H2BC18: variants seen among roughly 807,000 people sequenced by gnomAD.
H2BC18 encodes histone H2B type 2-F.
A neutral mutation model predicts 6.3 loss-of-function variants in H2BC18; 8 were observed. The ratio of observed to expected loss-of-function variants is 1.28; its 90% CI spans 0.75 to 2.31. The LOEUF (loss-of-function observed/expected upper bound fraction) is 2.31. H2BC18 is among the 30% of genes most tolerant of loss of function. The pLI is 0.00. For missense variants in H2BC18, 106 were observed against 174.5 expected, an observed-to-expected ratio of 0.61 and a Z score of 2.21; for synonymous variants, 104 against 78.1, an observed-to-expected ratio of 1.33 and a Z score of -1.75.
chr1:149,786,460 A>G (rs1477692876), intron 1 of H2BC18: 1 of 152,200 alleles, frequency 6.6e-6, no homozygotes, highest in Non-Finnish European at 1.5e-5. Context: ...ATACACCAAC[A>G]TTTTTGGTTG....
chr1:149,791,482 G>A (rs782130001), intron 1 of H2BC18: 4 of 1,609,420 alleles, frequency 2.5e-6, no homozygotes, highest in Non-Finnish European at 8.5e-7. Context: ...GCTGCAGGAA[G>A]GGGTGCACCG....
intron 1 of H2BC18, among the ~76,000 whole-genome samples, chr1:149,789,771 C>T (rs139875589): frequency 1.2e-3 from 186 of 152,284 alleles, no homozygotes; most frequent in African/African-American, 4.3e-3. Flanking sequence ...CTTCACCCCC[C>T]GGCTGTGGAA....
At position 149,812,206 on chromosome 1, in the gene H2BC18, C is replaced by T. The variant is rs1206757216; in HGVS notation, c.118G>A (p.Val40Ile). 6.8e-6 allele frequency: 11 copies of T among 1,614,262 alleles called. No individual in the cohort carries two copies. Among genetic ancestry groups the T allele is most frequent in the Admixed American group, 1.7e-5 (1 of 60,032 alleles). ...RKRSRKESYSVYVYKVLKQVH... is the reference protein window; with the variant it reads ...RKRSRKESYSIYVYKVLKQVH... The stretch of plus-strand genomic sequence containing the variant: ...TGCTTCAGCACCTTGTACACGTAAA[C>T]GGAGTAGCTCTCCTTGCGGCTGCGC... Residue 40 changes from valine (V) to isoleucine (I), a missense_variant, in exon 1 of 1, where the codon GTT becomes ATT. Val to Ile is a conservative substitution (Grantham distance 29). Around this residue, in one of 3 missense-constraint regions of H2BC18, gnomAD observed 70 missense variants for 64.6 expected, o/e 1.08. Coordinates refer to ENST00000369167, the MANE Select transcript of H2BC18 (RefSeq NM_001024599.5).
downstream of H2BC18, among the ~76,000 whole-genome samples, chr1:149,808,586 A>G (rs1402594069): frequency 1.3e-5 from 2 of 152,252 alleles, no homozygotes; most frequent in Non-Finnish European, 2.9e-5. Context: ...GGAAAATATT[A>G]CAACCTGGCT....
intron 1 of H2BC18, chr1:149,791,626 T>G (rs2101416865): frequency 6.6e-7 from 1 of 1,524,702 alleles, no homozygotes. Flanking sequence ...ACTGTGTGTC[T>G]CATGGTATGT....
rs1206757216 is a variant in H2BC18 at position 149,812,206 on chromosome 1, C to G, written c.118G>C (p.Val40Leu). Reference sequence around the variant, plus strand: ...TGCTTCAGCACCTTGTACACGTAAACGGAGTAGCTCTCCTTGCGGCTGCGC... The same window carrying G: ...TGCTTCAGCACCTTGTACACGTAAAGGGAGTAGCTCTCCTTGCGGCTGCGC... ...RKRSRKESYS[V>L]YVYKVLKQVH... The change falls in exon 1 of 1, where the codon GTT (valine) becomes CTT (leucine). Residue 40 changes from valine (V) to leucine (L), a missense_variant. Transcript: ENST00000369167. The G allele has an allele frequency of 2.5e-6, 4 of 1,614,148 alleles. No individual in the cohort carries two copies. The highest frequency in any genetic ancestry group is 2.7e-5 in the African/African-American group (2 of 74,952).
At chr1:149,801,782 A>G (rs1457175206) in intron 1 of H2BC18, among the ~76,000 whole-genome samples, 2 of 151,922 alleles carry the variant, frequency 1.3e-5, no homozygotes, top group African/African-American at 4.8e-5. Context: ...ACATTACTCA[A>G]GCATGCTTGT....
intron 1 of H2BC18, among the ~76,000 whole-genome samples, chr1:149,799,360 CTT>C (rs1375736030): frequency 6.6e-6 from 1 of 152,234 alleles, no homozygotes; most frequent in Non-Finnish European, 1.5e-5. Context: ...AGAAATTTCT[CTT>C]TGTTCCCAAA....
downstream of H2BC18, among the ~76,000 whole-genome samples, chr1:149,809,975 AGTT>A (rs2091956581): frequency 6.6e-6 from 1 of 150,770 alleles, no homozygotes; most frequent in African/African-American, 2.4e-5. Context: ...GAAGAAGGTA[AGTT>A]TTGGCTAGAT....
chr1:149,808,916 C>T (rs1319566254), downstream of H2BC18, among the ~76,000 whole-genome samples: 3 of 151,444 alleles, frequency 2.0e-5, no homozygotes, highest in Non-Finnish European at 4.4e-5. Context: ...TTGTCCTATG[C>T]TTACATTCCA....
At chr1:149,782,768 C>T in exon 2 of H2BC18, 1 of 1,596,006 alleles carries the variant, frequency 6.3e-7, no homozygotes, top group Non-Finnish European at 8.5e-7. Context: ...AACTCTGCTC[C>T]TTTGGGGTAA....
intron 1 of H2BC18, among the ~76,000 whole-genome samples, chr1:149,800,245 C>G (rs1374599252): frequency 6.6e-6 from 1 of 152,184 alleles, no homozygotes; most frequent in Non-Finnish European, 1.5e-5. Flanking sequence ...CTGGGTGCGC[C>G]GCCCTTCAGG....
intron 1 of H2BC18, among the ~76,000 whole-genome samples, chr1:149,799,836 G>A (rs1347376235): frequency 6.6e-6 from 1 of 152,294 alleles, no homozygotes; most frequent in African/African-American, 2.4e-5. Context: ...TGTGTTTCCT[G>A]TGCTTTCACA....
At chr1:149,784,086 C>T (rs782120618) in intron 1 of H2BC18, 1 of 1,611,518 alleles carries the variant, frequency 6.2e-7, no homozygotes, top group South Asian at 1.1e-5. Context: ...CTGTGAGGTG[C>T]TCCATCTGCC....
intron 1 of H2BC18, among the ~76,000 whole-genome samples, chr1:149,802,854 G>C (rs1233570572): frequency 2.6e-5 from 4 of 152,100 alleles, no homozygotes; most frequent in African/African-American, 9.7e-5. Flanking sequence ...CACAGGAGAG[G>C]GATGAAAGCC....
chr1:149,798,729 A>G (rs2091827891), intron 1 of H2BC18, among the ~76,000 whole-genome samples: 1 of 152,084 alleles, frequency 6.6e-6, no homozygotes, highest in Admixed American at 6.5e-5. Flanking sequence ...CTCCTGCTTC[A>G]GCCTCCTAAG....
chr1:149,810,574 C>T (rs1256560856), downstream of H2BC18: 1 of 151,612 alleles, frequency 6.6e-6, no homozygotes, highest in Non-Finnish European at 1.5e-5. Context: ...CCAGTTGCAC[C>T]AAGGGTATAT....
chr1:149,802,193 G>A (rs1489677782), intron 1 of H2BC18, among the ~76,000 whole-genome samples: 2 of 151,884 alleles, frequency 1.3e-5, no homozygotes, highest in African/African-American at 2.4e-5. Flanking sequence ...AAAATCAGAG[G>A]TCAAACACTT....
intron 1 of H2BC18, among the ~76,000 whole-genome samples, chr1:149,804,447 G>T (rs1430787325): frequency 1.3e-5 from 2 of 152,296 alleles, no homozygotes; most frequent in African/African-American, 4.8e-5. Context: ...TCCCTTATTG[G>T]ATGGTGTTTT....
Sources: allele counts gnomAD v4.1 joint callset (sites outside exome capture counted in the v4.1 genomes callset), GRCh38; gene constraint gnomAD v4.1.1; regional missense constraint gnomAD v4.1.1; transcripts MANE v1.5; gene names NCBI Gene and HGNC (gene_info 2026-07-23, HGNC 2026-07-21).